The following CCM2 variants were observed in gnomAD, a reference collection of about 807,000 sequenced individuals.
CCM2 encodes cerebral cavernous malformations 2 protein.
CCM2 carries 25 observed loss-of-function variants against 44.9 expected under a neutral mutation model. That is an observed-to-expected ratio of 0.56 (90% CI 0.41 to 0.78). CCM2 has a LOEUF of 0.78. Ranked by LOEUF, CCM2 falls within the 30% of genes least tolerant of loss-of-function variation. The pLI, the probability that CCM2 is intolerant of heterozygous loss-of-function variation, is 0.00. For missense variants in CCM2, 481 were observed against 580.6 expected, an observed-to-expected ratio of 0.83 and a Z score of 1.76; for synonymous variants, 219 against 241.1, an observed-to-expected ratio of 0.91 and a Z score of 0.85.
rs1795533915 is a variant in CCM2 at position 45,000,270 on chromosome 7, G to A, written c.-64G>A. ...GCGGCGGGCCCGGGTCGAGCATGTAGCGGCTGCTGGCGGCGGGGCTCCCGG... is the reference window on the plus strand; with the variant it reads ...GCGGCGGGCCCGGGTCGAGCATGTAACGGCTGCTGGCGGCGGGGCTCCCGG... On this transcript the variant is annotated 5_prime_UTR_variant, in exon 1 of 10. An upstream open reading frame in the 5' UTR loses its in-frame stop. Coordinates refer to ENST00000258781, the MANE Select transcript of CCM2 (RefSeq NM_031443.4). The A allele has an allele frequency of 9.1e-7, 1 of 1,096,964 alleles. No individual in the cohort carries two copies. The highest frequency in any genetic ancestry group is 1.1e-6 in the Non-Finnish European group (1 of 882,672). The allele number at this position is 1,096,964 out of a possible 1,614,324, so 68.0% of individuals were successfully genotyped here.
At chr7:45,064,782 C>T in intron 4 of CCM2, 136 bp downstream of exon 4, 1 of 907,086 alleles carries the variant, frequency 1.1e-6, no homozygotes, top group Non-Finnish European at 1.7e-6. Context: ...TCTTTCCTGT[C>T]TCTGAGATCA....
chr7:45,018,979 C>T (rs556127276), intron 1 of CCM2, among the ~76,000 whole-genome samples: 1 of 149,226 alleles, frequency 6.7e-6, no homozygotes, highest in South Asian at 2.1e-4. Flanking sequence ...AGGCTGGTCT[C>T]GAACTCCTGA....
intron 2 of CCM2, among the ~76,000 whole-genome samples, chr7:45,041,336 T>A (rs1225352627): frequency 6.6e-6 from 1 of 152,222 alleles, no homozygotes; most frequent in Non-Finnish European, 1.5e-5. Context: ...TTTTCCCTGT[T>A]CTTCTAGTTA....
At chr7:45,062,915 T>C (rs990538659) in intron 2 of CCM2, among the ~76,000 whole-genome samples, 4 of 151,938 alleles carry the variant, frequency 2.6e-5, no homozygotes, top group African/African-American at 9.7e-5. Context: ...CTGCATCTTA[T>C]GTTATCCCAG....
At position 45,064,003 on chromosome 7, in the gene CCM2, T is replaced by G; in HGVS notation, c.288+2T>G. On this transcript the variant is annotated splice_donor_variant, in intron 3 of 9. Coordinates refer to ENST00000258781, the MANE Select transcript of CCM2 (RefSeq NM_031443.4). LOFTEE classifies it high-confidence loss of function. ...CTGCATTTCATAGACAATGCAAAGG[T>G]AACCCTATCCTCTTAACCCTGTGCA... The G allele has an allele frequency of 6.2e-7, 1 of 1,605,256 alleles. No homozygotes were observed. The highest frequency in any genetic ancestry group is 8.5e-7 in the Non-Finnish European group (1 of 1,172,066).
At chr7:45,063,809 G>T (rs1249161895) in intron 2 of CCM2, 109 bp from the exon 3 acceptor site, 15 of 788,506 alleles carry the variant, frequency 1.9e-5, no homozygotes, top group African/African-American at 1.2e-4. Context: ...AGACCCATGG[G>T]CCTGGTGGCC....
At chr7:45,040,581 G>A (rs1195113653) in intron 2 of CCM2, among the ~76,000 whole-genome samples, 2 of 152,164 alleles carry the variant, frequency 1.3e-5, no homozygotes, top group Non-Finnish European at 1.5e-5. Context: ...ATTGACTGAT[G>A]GACATGACTC....
chr7:45,004,614 C>T (rs145344124), intron 1 of CCM2, among the ~76,000 whole-genome samples: 101 of 152,310 alleles, frequency 6.6e-4, no homozygotes, highest in African/African-American at 2.2e-3. Flanking sequence ...TGACCTGATG[C>T]AGACATAAAT....
In CCM2 at chr7:45,064,477, T is replaced by G. The variant is rs1798671182; in HGVS notation, c.303T>G (p.Leu101=). 1.2e-6 allele frequency: 2 copies of G among 1,613,230 alleles called. No individual in the cohort carries two copies. The highest frequency in any genetic ancestry group is 1.7e-6 in the Non-Finnish European group (2 of 1,179,872). ...FIDNAKRAHQ[L]PGHLTQEHDA... is the part of the protein sequence containing the mutation. ...GTTCCTTCCAGAGAGCCCACCAGCT[T>G]CCGGGACACTTGACTCAGGAGCACG... is the stretch of plus-strand genomic sequence containing the variant. The change falls in exon 4 of 10, where the codon CTT becomes CTG. Residue 101 remains leucine (L), a synonymous_variant. Transcript: ENST00000258781.
intron 1 of CCM2, among the ~76,000 whole-genome samples, chr7:45,035,854 T>C (rs1797192667): frequency 6.6e-6 from 1 of 151,972 alleles, no homozygotes; most frequent in South Asian, 2.1e-4. Flanking sequence ...TAGACAGCAG[T>C]GGAAGAAGAG....
At chr7:45,022,442 G>A (rs1221685218) in intron 1 of CCM2, among the ~76,000 whole-genome samples, 1 of 150,944 alleles carries the variant, frequency 6.6e-6, no homozygotes, top group African/African-American at 2.4e-5. Flanking sequence ...GAGTAGCTGG[G>A]ACTACAGGCG....
chr7:45,040,583 A>G (rs1043176847), intron 2 of CCM2, among the ~76,000 whole-genome samples: 2 of 152,244 alleles, frequency 1.3e-5, no homozygotes, highest in South Asian at 2.1e-4. Context: ...TGACTGATGG[A>G]CATGACTCCC....
chr7:45,075,685 G>A, intron 9 of CCM2, 92 bp from the exon 10 acceptor site: 2 of 1,520,058 alleles, frequency 1.3e-6, no homozygotes, highest in Non-Finnish European at 1.8e-6. Context: ...AGGGGCAGCT[G>A]TGGCCCTGTC....
At chr7:45,033,044 C>CAAAAAAAA (rs60956411) in intron 1 of CCM2, among the ~76,000 whole-genome samples, 6 of 58,054 alleles carry the variant, frequency 1.0e-4, no homozygotes, top group East Asian at 6.3e-4. Context: ...AACTCCGTCT[C>CAAAAAAAA]AAAAAAAAAA....
At position 45,069,881 on chromosome 7, in the gene CCM2, C is replaced by T. The variant is rs370245890; in HGVS notation, c.665C>T (p.Thr222Met). The part of the protein sequence containing the change: ...LLGQVFQVVY[T>M]ESTIDFLDRA... ...GGCCAGGTCTTCCAGGTTGTTTACA[C>T]GGAGTCCACCATCGACTTTCTGGAC... Residue 222 changes from threonine to methionine, a missense_variant, in exon 6 of 10, where the codon ACG (threonine) becomes ATG (methionine). Coordinates refer to ENST00000258781, the MANE Select transcript of CCM2 (RefSeq NM_031443.4). 141 of 1,614,084 alleles carry T rather than the reference C, an allele frequency of 8.7e-5. No individual in the cohort carries two copies. The highest frequency in any genetic ancestry group is 1.1e-4 in the Non-Finnish European group (131 of 1,180,040).
At chr7:45,009,457 T>C (rs987499458) in intron 1 of CCM2, among the ~76,000 whole-genome samples, 3 of 128,918 alleles carry the variant, frequency 2.3e-5, no homozygotes, top group African/African-American at 8.8e-5. Flanking sequence ...TAGGATGGAG[T>C]GCAATGGCGT....
intron 4 of CCM2, chr7:45,068,026 T>G: frequency 3.7e-6 from 1 of 271,386 alleles, no homozygotes. Flanking sequence ...GGTCTGACCG[T>G]CTAGATTGCC....
At position 45,040,378 on chromosome 7, in the gene CCM2, CAAAAA is replaced by C. The variant is rs575259309; in HGVS notation, c.204+1958_204+1962del. On this transcript the variant is annotated intron_variant, in intron 2 of 9. Coordinates refer to ENST00000258781, the MANE Select transcript of CCM2 (RefSeq NM_031443.4). ...TGGGCAATAGAGCGAGACTCCGTCT[CAAAAA>C]AAAAAGTAAAAAAAAGTCCCAGAAA... Among the ~76,000 whole-genome samples, 36 of 131,000 alleles carry C rather than the reference CAAAAA, an allele frequency of 2.7e-4. No homozygotes were observed. The East Asian group carries it at 7.8e-3, about 28-fold the overall frequency. The allele number at this position is 131,000 out of a possible 152,430, so 85.9% of individuals were successfully genotyped here. A position where few individuals can be genotyped will look rare whatever the true frequency, so the allele number is the denominator to read the frequency against.
intron 2 of CCM2, among the ~76,000 whole-genome samples, chr7:45,058,813 G>A (rs1313444959): frequency 2.0e-5 from 3 of 151,504 alleles, no homozygotes; most frequent in Non-Finnish European, 4.4e-5. Context: ...TTTTTGTTCT[G>A]TCACCTAGGC....
Sources: gnomAD v4.1 joint callset for allele counts (sites outside exome capture counted in the v4.1 genomes callset) on GRCh38, gnomAD v4.1.1 for gene constraint, MANE v1.5 for transcripts, NCBI Gene and HGNC (gene_info 2026-07-23, HGNC 2026-07-21) for gene names.